UNC13C: variants seen among roughly 807,000 people sequenced by gnomAD.
UNC13C encodes unc-13 homolog C, also known as protein unc-13 homolog C.
In UNC13C, 174 loss-of-function variants were observed where a neutral mutation model predicts 245.4. That is an observed-to-expected ratio of 0.71 (90% CI 0.63 to 0.80). The LOEUF (loss-of-function observed/expected upper bound fraction) is 0.80. Among genes scored for constraint, UNC13C ranks in the 30% least tolerant of loss-of-function variants. The pLI, the probability that UNC13C is intolerant of heterozygous loss-of-function variation, is 0.00. For missense variants in UNC13C, 2,829 were observed against 2,602.9 expected (o/e 1.09, Z -1.89); for synonymous variants, 992 against 895.1 (o/e 1.11, Z -1.93).
At chr15:54,568,901 TG>T (rs879865424) in intron 30 of UNC13C, among the ~76,000 whole-genome samples, 1 of 151,558 alleles carries the variant, frequency 6.6e-6, no homozygotes, top group Non-Finnish European at 1.5e-5. Flanking sequence ...TAACACTCTG[TG>T]CTTTTTGATA....
intron 12 of UNC13C, 45 bp from the exon 13 acceptor site, chr15:54,300,165 C>G (rs534857773): frequency 1.3e-6 from 2 of 1,554,918 alleles, no homozygotes; most frequent in East Asian, 2.3e-5. Flanking sequence ...TGTTTCTGGC[C>G]TATTCTGAGG....
chr15:54,290,831 T>G (rs2037277628), intron 10 of UNC13C, among the ~76,000 whole-genome samples: 1 of 152,124 alleles, frequency 6.6e-6, no homozygotes, highest in African/African-American at 2.4e-5. Flanking sequence ...ATCTAGAGCT[T>G]GCTATTTATT....
intron 30 of UNC13C, among the ~76,000 whole-genome samples, chr15:54,599,164 T>C (rs879698749): frequency 2.0e-5 from 3 of 152,014 alleles, no homozygotes; most frequent in Admixed American, 6.6e-5. Flanking sequence ...CACACATATA[T>C]AGGTAGAGAA....
chr15:54,128,980 C>T (rs1376232162), intron 2 of UNC13C, among the ~76,000 whole-genome samples: 2 of 152,192 alleles, frequency 1.3e-5, no homozygotes, highest in Non-Finnish European at 2.9e-5. Flanking sequence ...TAACACCATT[C>T]CAGTGAGGAA....
chr15:54,352,185 A>G (rs1460567848), intron 17 of UNC13C, among the ~76,000 whole-genome samples: 1 of 151,036 alleles, frequency 6.6e-6, no homozygotes, highest in Non-Finnish European at 1.5e-5. Flanking sequence ...TTTAATTGCT[A>G]TTTTCAGCCT....
intron 30 of UNC13C, among the ~76,000 whole-genome samples, chr15:54,569,622 C>G (rs1897665184): frequency 6.6e-6 from 1 of 151,618 alleles, no homozygotes; most frequent in Non-Finnish European, 1.5e-5. Context: ...GTATAATCAA[C>G]TATGGTATAT....
chr15:53,960,425 G>T, the UNC13C span, among the ~76,000 whole-genome samples: 2 of 150,586 alleles, frequency 1.3e-5, no homozygotes, highest in East Asian at 3.9e-4. Flanking sequence ...AGACTCTTTT[G>T]TATTCTTTGT....
At chr15:53,862,375 T>G in the UNC13C span, among the ~76,000 whole-genome samples, 1 of 152,124 alleles carries the variant, frequency 6.6e-6, no homozygotes, top group Non-Finnish European at 1.5e-5. Context: ...TGCCTACATG[T>G]GGGAGTGCGG....
chr15:54,436,642 A>G (rs186336046), intron 19 of UNC13C, among the ~76,000 whole-genome samples: 1 of 151,952 alleles, frequency 6.6e-6, no homozygotes, highest in African/African-American at 2.4e-5. Flanking sequence ...GGTGGGGAAC[A>G]TCACACACCA....
At chr15:54,192,382 C>G (rs894327828) in intron 4 of UNC13C, among the ~76,000 whole-genome samples, 3 of 151,944 alleles carry the variant, frequency 2.0e-5, no homozygotes, top group Non-Finnish European at 2.9e-5. Context: ...AATAAAGGAG[C>G]ATTGCAGGCA....
At chr15:54,206,205 T>G (rs1176917222) in intron 4 of UNC13C, among the ~76,000 whole-genome samples, 1 of 152,084 alleles carries the variant, frequency 6.6e-6, no homozygotes, top group Non-Finnish European at 1.5e-5. Flanking sequence ...ATTTTTGTTT[T>G]TCTTTTTGTC....
At chr15:54,572,812 A>C (rs1372405915) in intron 30 of UNC13C, among the ~76,000 whole-genome samples, 17 of 152,276 alleles carry the variant, frequency 1.1e-4, no homozygotes, top group Admixed American at 2.6e-4. Flanking sequence ...TATTTAATCA[A>C]AATGTGTGTT....
At chr15:53,964,431 C>T in the UNC13C span, among the ~76,000 whole-genome samples, 6 of 152,130 alleles carry the variant, frequency 3.9e-5, no homozygotes, top group Admixed American at 3.9e-4. Flanking sequence ...AGAGCTATCC[C>T]TATGGGTGTC....
chr15:54,552,223 G>A (rs1363147692), intron 28 of UNC13C, among the ~76,000 whole-genome samples: 1 of 133,926 alleles, frequency 7.5e-6, no homozygotes, highest in East Asian at 2.1e-4. Flanking sequence ...AATTTCATTA[G>A]GTGTAATATA....
chr15:54,297,415 T>A (rs1018412110), intron 11 of UNC13C, among the ~76,000 whole-genome samples: 6 of 152,110 alleles, frequency 3.9e-5, no homozygotes, highest in African/African-American at 1.4e-4. Flanking sequence ...TGCCCTGGTG[T>A]GATCATAGCT....
chr15:54,299,093 A>G (rs2037509209), intron 12 of UNC13C, among the ~76,000 whole-genome samples: 2 of 152,078 alleles, frequency 1.3e-5, no homozygotes, highest in Admixed American at 1.3e-4. Context: ...CAGACCAATA[A>G]AAAGAAATCC....
chr15:54,259,154 G>A (rs929180605), intron 8 of UNC13C, among the ~76,000 whole-genome samples: 5 of 152,180 alleles, frequency 3.3e-5, no homozygotes, highest in East Asian at 1.9e-4. Context: ...CTTCCCAAAG[G>A]CCTCATCTTT....
chr15:54,147,705 G>GGGGT (rs33941534), intron 4 of UNC13C, among the ~76,000 whole-genome samples: 40,785 of 149,872 alleles, frequency 0.27, 5,537 homozygotes, highest in South Asian at 0.34. Flanking sequence ...CATCACAAGG[G>GGGGT]GTGTGTGTGT....
chr15:53,951,869 T>G, the UNC13C span, among the ~76,000 whole-genome samples: 1 of 152,154 alleles, frequency 6.6e-6, no homozygotes, highest in Admixed American at 6.5e-5. Flanking sequence ...AAAATTCAAG[T>G]GATTCTTTGG....
Sources: allele counts gnomAD v4.1 joint callset (sites outside exome capture counted in the v4.1 genomes callset), GRCh38; gene constraint gnomAD v4.1.1; transcripts MANE v1.5; gene names NCBI Gene and HGNC (gene_info 2026-07-23, HGNC 2026-07-21).